Variants in SCNN1B observed in about 807,000 individuals in gnomAD.
SCNN1B encodes the protein epithelial sodium channel subunit beta.
Under a neutral mutation model 65.3 loss-of-function variants are expected in SCNN1B, and 46 were observed. The observed-to-expected ratio is 0.70, with a 90% confidence interval of 0.56 to 0.90. The LOEUF (loss-of-function observed/expected upper bound fraction) is 0.90, where lower values mean the gene tolerates loss of function less well. Ranked by LOEUF, SCNN1B falls within the 40% of genes least tolerant of loss-of-function variation. The pLI is 0.00. For synonymous variants in SCNN1B, 349 were observed against 330.6 expected, an observed-to-expected ratio of 1.06 and a Z score of -0.60; for missense variants, 751 against 830.5, an observed-to-expected ratio of 0.90 and a Z score of 1.18.
chr16:23,305,563 TATATATATATATATTATA>T (rs1567290382), intron 1 of SCNN1B, among the ~76,000 whole-genome samples: 3,451 of 53,134 alleles, frequency 0.065, 292 homozygotes, highest in East Asian at 0.18. Context: ...TATATATATA[TATATATATATATATTATA>T]TATATATATA....
At chr16:23,339,706 C>A (rs776076160) in intron 1 of SCNN1B, among the ~76,000 whole-genome samples, 1 of 152,050 alleles carries the variant, frequency 6.6e-6, no homozygotes, top group Admixed American at 6.6e-5. Context: ...GCTGGGATTA[C>A]AGGCGTGTGG....
chr16:23,333,081 A>C (rs1961849501), intron 1 of SCNN1B, among the ~76,000 whole-genome samples: 1 of 144,152 alleles, frequency 6.9e-6, no homozygotes, highest in African/African-American at 2.5e-5. Flanking sequence ...AATAAAAAAG[A>C]AGAAGAAGAA....
intron 4 of SCNN1B, among the ~76,000 whole-genome samples, chr16:23,363,936 G>A (rs1962600433): frequency 6.6e-6 from 1 of 152,182 alleles, no homozygotes. Flanking sequence ...GGAGGCCAAG[G>A]CAGGTGGATC....
intron 4 of SCNN1B, among the ~76,000 whole-genome samples, chr16:23,365,628 G>GA (rs1555488921): frequency 1.4e-5 from 2 of 138,724 alleles, no homozygotes; most frequent in African/African-American, 5.2e-5. Context: ...AAAAAAGAAA[G>GA]AAGTCACATC....
intron 5 of SCNN1B, among the ~76,000 whole-genome samples, chr16:23,370,401 C>T (rs1030696397): frequency 2.0e-5 from 3 of 152,124 alleles, no homozygotes; most frequent in African/African-American, 7.2e-5. Flanking sequence ...CCACTGTGCC[C>T]GGCCAAGGAG....
upstream of SCNN1B, among the ~76,000 whole-genome samples, chr16:23,300,211 C>T (rs140539139): frequency 9.7e-4 from 147 of 152,010 alleles, no homozygotes; most frequent in African/African-American, 3.3e-3. Flanking sequence ...GGCTAGGGGA[C>T]GGAGAGCATT....
chr16:23,343,208 G>A lies in SCNN1B; in HGVS notation c.-8-5384G>A, dbSNP rs113542123. On this transcript the variant is annotated intron_variant, in intron 1 of 12. Coordinates refer to ENST00000343070, the MANE Select transcript of SCNN1B (RefSeq NM_000336.3). ...GGTGGCTCATGCCTGTAATCCCAGC[G>A]CTTTGGGAGGCCAAGGAGGGCAGAT... 5.9e-3 allele frequency among the ~76,000 whole-genome samples: 897 copies of A among 151,968 alleles called. 9 individuals are homozygous for A. The highest frequency in any genetic ancestry group is 0.02 in the African/African-American group (829 of 41,464).
In SCNN1B at chr16:23,371,466, T is replaced by G. The variant is rs1457412924; in HGVS notation, c.1044+4T>G. 3 of 1,613,468 alleles carry G rather than the reference T, an allele frequency of 1.9e-6. No homozygotes were observed. The Admixed American group carries it at 5.0e-5, about 27-fold the overall frequency. ...GACGTCCATCGGGGTACTCGTGGTA[T>G]GGCCGGAGCCCAAGGGCAGTCCTAG... On this transcript the variant is annotated splice_donor_region_variant and intron_variant, in intron 6 of 12. Coordinates refer to ENST00000343070, the MANE Select transcript of SCNN1B (RefSeq NM_000336.3).
At chr16:23,352,728 G>A (rs1393250304) in intron 2 of SCNN1B, 73 bp from the exon 3 acceptor site, 47 of 1,524,400 alleles carry the variant, frequency 3.1e-5, no homozygotes, top group East Asian at 4.5e-5. Flanking sequence ...ACTATGGAGT[G>A]GGTCCCAGAT....
intron 2 of SCNN1B, among the ~76,000 whole-genome samples, chr16:23,287,668 G>C (rs1033660465): frequency 1.3e-5 from 2 of 152,058 alleles, no homozygotes; most frequent in African/African-American, 2.4e-5. Context: ...ACCTGAGCCC[G>C]GGGAGGTTGA....
chr16:23,364,848 A>G (rs1449858918), intron 4 of SCNN1B, among the ~76,000 whole-genome samples: 1 of 151,680 alleles, frequency 6.6e-6, no homozygotes, highest in African/African-American at 2.4e-5. Context: ...AAATTAGGCC[A>G]GGCATGGTGG....
intron 2 of SCNN1B, among the ~76,000 whole-genome samples, chr16:23,351,369 T>G (rs1244538013): frequency 6.6e-6 from 1 of 152,132 alleles, no homozygotes; most frequent in African/African-American, 2.4e-5. Flanking sequence ...CCCAAGATAT[T>G]AAGTGGCATG....
At chr16:23,368,940 A>G (rs1226237196) in intron 5 of SCNN1B, among the ~76,000 whole-genome samples, 5 of 152,184 alleles carry the variant, frequency 3.3e-5, no homozygotes, top group Non-Finnish European at 7.3e-5. Flanking sequence ...ATTAATGAGT[A>G]CAGTATATAT....
rs773573081 is a variant in SCNN1B, at chr16:23,375,809, GC to G, written c.1228del (p.Arg410ValfsTer23). ...CNCGHYLYPL[P>X]RGEKYCNNRD... ...ACTGTGGCCACTACCTGTACCCACT[GC>G]CCCGTGGGGAGAAATACTGCAACAA... On this transcript the variant is annotated frameshift_variant, in exon 8 of 13. Coordinates refer to ENST00000343070, the MANE Select transcript of SCNN1B (RefSeq NM_000336.3). LOFTEE classifies it high-confidence loss of function. 3.1e-6 allele frequency: 5 copies of G among 1,614,044 alleles called. No individual in the cohort carries two copies. The African/African-American group carries it at 6.7e-5, about 22-fold the overall frequency.
intron 1 of SCNN1B, among the ~76,000 whole-genome samples, chr16:23,308,899 G>A (rs774506200): frequency 3.3e-5 from 5 of 152,126 alleles, no homozygotes; most frequent in Non-Finnish European, 5.9e-5. Flanking sequence ...CACCATGCCT[G>A]GCCACGATCT....
chr16:23,364,870 A>T (rs1962616874), intron 4 of SCNN1B, among the ~76,000 whole-genome samples: 1 of 152,098 alleles, frequency 6.6e-6, no homozygotes, highest in Admixed American at 6.6e-5. Flanking sequence ...TCACGCCTGT[A>T]ATCCTAGCAC....
chr16:23,379,983 TGTGG>T, intron 11 of SCNN1B, 107 bp from the exon 12 acceptor site: 1 of 836,824 alleles, frequency 1.2e-6, no homozygotes, highest in Non-Finnish European at 2.1e-6. Flanking sequence ...TGTGCATACA[TGTGG>T]GTGTGTGCAC....
At position 23,292,800 on chromosome 16, in the gene SCNN1B, G is replaced by A. The variant is rs921899899; in HGVS notation, n.178+8996G>A. Among the ~76,000 whole-genome samples, 56 of 149,778 alleles carry A rather than the reference G, an allele frequency of 3.7e-4. 1 individual carries two copies. The highest frequency in any genetic ancestry group is 3.2e-3 in the Admixed American group (48 of 15,028). On this transcript the variant is annotated intron_variant and non_coding_transcript_variant, in intron 2 of 3. Coordinates refer to the SCNN1B transcript ENST00000569789. ...ATTATGGGCATGAGCCACTGTGCCC[G>A]GCCAGCAATTCTAATAGAGTGAGAC...
At chr16:23,374,056 G>C (rs1186308728) in intron 7 of SCNN1B, among the ~76,000 whole-genome samples, 1 of 152,086 alleles carries the variant, frequency 6.6e-6, no homozygotes, top group South Asian at 2.1e-4. Flanking sequence ...CTCCATCACA[G>C]GGCCTGGAAG....
Sources: allele counts gnomAD v4.1 joint callset (sites outside exome capture counted in the v4.1 genomes callset), GRCh38; gene constraint gnomAD v4.1.1; transcripts MANE v1.5; gene names NCBI Gene and HGNC (gene_info 2026-07-23, HGNC 2026-07-21).